The following PLEKHG1 variants were observed in gnomAD, a reference collection of about 807,000 sequenced individuals.
The protein encoded by PLEKHG1 is pleckstrin homology and RhoGEF domain containing G1.
A neutral mutation model predicts 100.8 loss-of-function variants in PLEKHG1; 44 were observed. The observed-to-expected ratio is 0.44, with a 90% CI of 0.34 to 0.56. The LOEUF (loss-of-function observed/expected upper bound fraction) is 0.56, where lower values mean the gene tolerates loss of function less well. PLEKHG1 is among the 20% of genes least tolerant of loss of function. The probability of loss-of-function intolerance (pLI) is 0.01; values close to 1 mark genes in which losing one functional copy is unlikely to be tolerated. For missense variants in PLEKHG1, 1,545 were observed against 1,720.9 expected (o/e 0.90, Z 1.81); for synonymous variants, 640 against 662.5 (o/e 0.97, Z 0.52).
intron 3 of PLEKHG1, among the ~76,000 whole-genome samples, chr6:150,653,341 A>G (rs537468812): frequency 6.6e-6 from 1 of 152,270 alleles, no homozygotes; most frequent in Non-Finnish European, 1.5e-5. Context: ...ACAAAGGCCA[A>G]ATTGTCCAAG....
chr6:150,823,104 G>A (rs1265120742), intron 13 of PLEKHG1, among the ~76,000 whole-genome samples: 1 of 152,184 alleles, frequency 6.6e-6, no homozygotes, highest in African/African-American at 2.4e-5. Context: ...TGTGGAGAGG[G>A]AAGGACTTCA....
chr6:150,679,312 G>C (rs1779861136), intron 3 of PLEKHG1, among the ~76,000 whole-genome samples: 1 of 152,104 alleles, frequency 6.6e-6, no homozygotes, highest in African/African-American at 2.4e-5. Context: ...TTAGTTATTT[G>C]TTAAATTTCT....
intron 3 of PLEKHG1, among the ~76,000 whole-genome samples, chr6:150,667,753 C>T (rs1266277017): frequency 6.6e-6 from 1 of 152,186 alleles, no homozygotes; most frequent in African/African-American, 2.4e-5. Flanking sequence ...AAGCTGAATT[C>T]AGAAGTCTGC....
At chr6:150,656,103 TA>T (rs1004125166) in intron 3 of PLEKHG1, among the ~76,000 whole-genome samples, 11 of 148,948 alleles carry the variant, frequency 7.4e-5, no homozygotes, top group Non-Finnish European at 1.3e-4. Flanking sequence ...TAATAAAAAA[TA>T]AAAAAAAATC....
intron 2 of PLEKHG1, among the ~76,000 whole-genome samples, chr6:150,754,071 A>C (rs904803517): frequency 1.3e-5 from 2 of 152,218 alleles, no homozygotes; most frequent in Non-Finnish European, 2.9e-5. Flanking sequence ...ATAGCACTAC[A>C]TGATGATGAC....
At chr6:150,721,324 G>A (rs1781663646) in intron 1 of PLEKHG1, 1 of 185,934 alleles carries the variant, frequency 5.4e-6, no homozygotes, top group Non-Finnish European at 1.0e-5. Context: ...CTTCACAAGT[G>A]TGCAGGGACG....
intron 1 of PLEKHG1, among the ~76,000 whole-genome samples, chr6:150,604,906 C>G (rs1776524636): frequency 6.6e-6 from 1 of 152,190 alleles, no homozygotes; most frequent in South Asian, 2.1e-4. Context: ...ACCCACAGCC[C>G]TTGTATCTAC....
chr6:150,648,533 T>C (rs1034395935), intron 2 of PLEKHG1, among the ~76,000 whole-genome samples: 2 of 152,168 alleles, frequency 1.3e-5, no homozygotes, highest in Non-Finnish European at 2.9e-5. Flanking sequence ...ATTTATATAA[T>C]ATTTATAGAA....
chr6:150,785,803 C>T (rs969580431), intron 3 of PLEKHG1, among the ~76,000 whole-genome samples: 1 of 152,038 alleles, frequency 6.6e-6, no homozygotes, highest in South Asian at 2.1e-4. Context: ...AGCTCCACCT[C>T]CTGTCAGATC....
chr6:150,821,322 A>G (rs781775188), intron 13 of PLEKHG1, 89 bp downstream of exon 14: 114 of 830,258 alleles, frequency 1.4e-4, no homozygotes, highest in Non-Finnish European at 2.2e-4. Context: ...CAGATAAATT[A>G]CATATTGACA....
At chr6:150,818,404 C>T (rs1776107996) in intron 11 of PLEKHG1, among the ~76,000 whole-genome samples, 188 bp downstream of exon 12, 1 of 152,120 alleles carries the variant, frequency 6.6e-6, no homozygotes, top group Non-Finnish European at 1.5e-5. Context: ...ATTGGTTCTC[C>T]CAGGTTTATC....
At chr6:150,672,498 A>C (rs1779616278) in intron 3 of PLEKHG1, among the ~76,000 whole-genome samples, 1 of 152,214 alleles carries the variant, frequency 6.6e-6, no homozygotes, top group South Asian at 2.1e-4. Context: ...TAGAAGTGGA[A>C]TCCTTTGAAA....
At chr6:150,686,572 G>A (rs1780138735) in intron 3 of PLEKHG1, among the ~76,000 whole-genome samples, 1 of 152,168 alleles carries the variant, frequency 6.6e-6, no homozygotes, top group Non-Finnish European at 1.5e-5. Flanking sequence ...AGGAGACTGT[G>A]CTTTTATGAT....
In PLEKHG1 at chr6:150,726,655, G is replaced by T. The variant is rs924663328; in HGVS notation, c.-99+5455G>T. Among the ~76,000 whole-genome samples the T allele has an allele frequency of 6.6e-5, 10 of 152,054 alleles. No individual in the cohort carries two copies. In the South Asian group the frequency reaches 2.1e-3, roughly 32 times the overall value. On this transcript the variant is annotated intron_variant, in intron 1 of 15. Coordinates refer to ENST00000358517, the Ensembl canonical transcript of PLEKHG1. ...ATGGTAAAACTAAGAAATTAACAGGGTAACAAGATTTTTTTTTCACTCCTT... is the reference window on the plus strand; with the variant it reads ...ATGGTAAAACTAAGAAATTAACAGGTTAACAAGATTTTTTTTTCACTCCTT...
rs544553799 is a variant in PLEKHG1 at position 150,781,812 on chromosome 6, C to T, written c.513-4578C>T. 1.7e-3 allele frequency among the ~76,000 whole-genome samples: 253 copies of T among 151,100 alleles called. 1 individual carries two copies. Among genetic ancestry groups the T allele is most frequent in the African/African-American group, 5.8e-3 (239 of 41,224 alleles). ...TTTGAGATGGAGTCTCACTGTGTCA[C>T]CCAGGCTGGAGTGCAGTGGCCCGAT... On this transcript the variant is annotated intron_variant, in intron 3 of 15. Transcript: ENST00000358517.
chr6:150,750,436 A>G (rs1783439686), intron 2 of PLEKHG1, among the ~76,000 whole-genome samples: 1 of 152,134 alleles, frequency 6.6e-6, no homozygotes, highest in South Asian at 2.1e-4. Context: ...AGATTCCAGT[A>G]GACGATCAGT....
At chr6:150,664,865 G>T (rs953119988) in intron 3 of PLEKHG1, among the ~76,000 whole-genome samples, 3 of 152,176 alleles carry the variant, frequency 2.0e-5, no homozygotes, top group Non-Finnish European at 4.4e-5. Flanking sequence ...AGTTTTAAGT[G>T]ACAGTTACTC....
At position 150,605,277 on chromosome 6, in the gene PLEKHG1, C is replaced by G. The variant is rs1428971869; in HGVS notation, c.-204+5260C>G. Among the ~76,000 whole-genome samples, 5 of 152,162 alleles carry G rather than the reference C, an allele frequency of 3.3e-5. No individual in the cohort carries two copies. In the East Asian group the frequency reaches 9.6e-4, roughly 29 times the overall value. On this transcript the variant is annotated intron_variant, in intron 1 of 3. Coordinates refer to the PLEKHG1 transcript ENST00000367326. ...CAGAGAATCAAGCACAAAACAATTCCAGGGCCTTGGATGCGATACACAGTG... is the reference window on the plus strand; with the variant it reads ...CAGAGAATCAAGCACAAAACAATTCGAGGGCCTTGGATGCGATACACAGTG...
chr6:150,801,442 T>C (rs1428084727), intron 6 of PLEKHG1, among the ~76,000 whole-genome samples: 7 of 147,418 alleles, frequency 4.7e-5, no homozygotes, highest in Admixed American at 1.3e-4. Flanking sequence ...CTTTTCTTTT[T>C]TTTTTTTTTT....
Sources: gnomAD v4.1 joint callset for allele counts (sites outside exome capture counted in the v4.1 genomes callset) on GRCh38, gnomAD v4.1.1 for gene constraint, MANE v1.5 for transcripts, NCBI Gene and HGNC (gene_info 2026-07-23, HGNC 2026-07-21) for gene names.